SRRM2: variants seen among roughly 807,000 people sequenced by gnomAD.
SRRM2 encodes the protein serine/arginine repetitive matrix protein 2.
Under a neutral mutation model 213.8 loss-of-function variants are expected in SRRM2, and 30 were observed. The observed-to-expected ratio is 0.14, with a 90% confidence interval of 0.10 to 0.19. SRRM2 has a LOEUF of 0.19. Ranked by LOEUF, SRRM2 falls within the 10% of genes least tolerant of loss-of-function variation. The pLI is 1.00. For synonymous variants in SRRM2, 2,025 were observed against 1,377.7 expected (o/e 1.47, Z -10.40); for missense variants, 4,904 against 3,647.0 (o/e 1.34, Z -8.88).
Position 2,752,851 on chromosome 16 carries a change from G to A in SRRM2, c.-32+5G>A, listed in dbSNP as rs1328218921. ...GGCGGCGGGCGGAGGCGGCGGGTGA[G>A]AGGGTGAGGGAGCCAGCGAGCCGGG... On this transcript the variant is annotated splice_donor_5th_base_variant and intron_variant, in intron 1 of 14. Coordinates refer to ENST00000301740, the MANE Select transcript of SRRM2 (RefSeq NM_016333.4). 1.7e-5 allele frequency: 4 copies of A among 237,276 alleles called. No homozygotes were observed. The highest frequency in any genetic ancestry group is 7.1e-5 in the African/African-American group (3 of 42,060). The allele number at this position is 237,276 out of a possible 1,614,324, so 14.7% of individuals were successfully genotyped here.
intron 1 of SRRM2, among the ~76,000 whole-genome samples, chr16:2,755,387 A>T (rs1417032446): frequency 6.6e-6 from 1 of 152,110 alleles, no homozygotes; most frequent in Non-Finnish European, 1.5e-5. Flanking sequence ...ACATTAATGA[A>T]AGTGGGGTGT....
chr16:2,764,381 G>T lies in SRRM2; in HGVS notation c.3853G>T (p.Asp1285Tyr), dbSNP rs767615394. Residue 1285 changes from aspartate (D) to tyrosine (Y), a missense_variant, in exon 11 of 15, where the codon GAT (aspartate) becomes TAT (tyrosine). Transcript: ENST00000301740. ...EERPAVSLTL[D>Y]QSQSQASLEA... The stretch of plus-strand genomic sequence containing the variant: ...AAGGCCTGCTGTGTCTTTGACTCTT[G>T]ATCAGAGCCAGTCACAGGCTTCTTT... The T allele has an allele frequency of 2.2e-5, 35 of 1,614,046 alleles. No homozygotes were observed. Among genetic ancestry groups the T allele is most frequent in the Non-Finnish European group, 2.9e-5 (34 of 1,180,016 alleles).
Position 2,760,304 on chromosome 16 carries a change from T to C in SRRM2, c.837T>C (p.Ser279=), listed in dbSNP as rs113566023. ...CGTCCTCAATTAACTCCTGCAGGTC[T>C]CGAAGTGCTGCAGCTAAAACTCATA... is the stretch of plus-strand genomic sequence containing the variant. ...ASSSDTSRSR[S]RSAAAKTHTT... is the part of the protein sequence containing the mutation. The change falls in exon 10 of 15, where the codon TCT becomes TCC. Residue 279 remains serine (S), a synonymous_variant. Transcript: ENST00000301740. The C allele has an allele frequency of 6.2e-7, 1 of 1,612,956 alleles. No homozygotes were observed.
chr16:2,757,382 A>AG, intron 2 of SRRM2, 90 bp from the exon 3 acceptor site: 1 of 1,030,726 alleles, frequency 9.7e-7, no homozygotes, highest in Non-Finnish European at 1.5e-6. Context: ...ATGGAGAGGG[A>AG]GGGGCCCCTT....
Position 2,765,045 on chromosome 16 carries a change from A to G in SRRM2, c.4517A>G (p.Asn1506Ser). Residue 1506 changes from asparagine (N) to serine (S), a missense_variant, in exon 11 of 15, where the codon AAC becomes AGC. Asn to Ser is a conservative substitution (Grantham distance 46). Transcript: ENST00000301740. ...RSRSPSSPEL[N>S]NKCLTPQRER... ...CGTTCTCCATCATCCCCAGAGCTCA[A>G]CAACAAGTGTCTTACCCCCCAGAGA... 2.5e-6 allele frequency: 4 copies of G among 1,613,556 alleles called. No homozygotes were observed. Among genetic ancestry groups the G allele is most frequent in the African/African-American group, 1.3e-5 (1 of 75,008 alleles).
rs764194801 is a variant in SRRM2 at position 2,766,715 on chromosome 16, C to T, written c.6187C>T (p.Arg2063Trp). 55 of 1,614,096 alleles carry T rather than the reference C, an allele frequency of 3.4e-5. No individual in the cohort carries two copies. The highest frequency in any genetic ancestry group is 2.2e-4 in the East Asian group (10 of 44,902). Residue 2063 changes from arginine (R) to tryptophan (W), a missense_variant, in exon 11 of 15, where the codon CGG (arginine) becomes TGG (tryptophan). Coordinates refer to ENST00000301740, the MANE Select transcript of SRRM2 (RefSeq NM_016333.4). The surrounding 1 kb of genome is among the most constrained non-coding windows in gnomAD (Gnocchi z 7.0). ...RSRSRTPRTA[R>W]GKRSLTRSPP... is the part of the protein sequence containing the mutation. ...CAGATCCCGTACTCCACGAACAGCT[C>T]GGGGTAAACGGTCCTTAACAAGATC... is the stretch of plus-strand genomic sequence containing the variant.
Position 2,767,831 on chromosome 16 carries a change from C to T in SRRM2, c.7303C>T (p.Pro2435Ser), listed in dbSNP as rs772346517. The T allele has an allele frequency of 5.0e-6, 8 of 1,613,956 alleles. No individual in the cohort carries two copies. The highest frequency in any genetic ancestry group is 8.5e-7 in the Non-Finnish European group (1 of 1,180,004). Residue 2435 changes from proline to serine, a missense_variant, in exon 11 of 15, where the codon CCT becomes TCT. By Grantham distance (74) the Pro-to-Ser change is moderately conservative. Coordinates refer to ENST00000301740, the MANE Select transcript of SRRM2 (RefSeq NM_016333.4). ...CCCTTCCTCTAGAATGGGCCAGGCT[C>T]CTTCACAGTCTCTTCTCCCTCCAGC... ...PSPSSRMGQA[P>S]SQSLLPPAQD...
rs1200539381 is a variant in SRRM2, at chr16:2,765,909, C to G, written c.5381C>G (p.Ser1794Cys). ...CGACGTCGAGATAGGTCTGGATCTT[C>G]TCAGTCAACCTCTCGGCGAAGACAG... ...TTRRRDRSGS[S>C]QSTSRRRQRS... Residue 1794 changes from serine to cysteine, a missense_variant, in exon 11 of 15, where the codon TCT becomes TGT. Ser to Cys is a moderately radical substitution (Grantham distance 112, BLOSUM62 -1). Coordinates refer to ENST00000301740, the MANE Select transcript of SRRM2 (RefSeq NM_016333.4). The G allele has an allele frequency of 6.2e-7, 1 of 1,614,070 alleles. No individual in the cohort carries two copies. Among genetic ancestry groups the G allele is most frequent in the Non-Finnish European group, 8.5e-7 (1 of 1,180,038 alleles).
In SRRM2 at chr16:2,764,266, A is replaced by G. The variant is rs1257924741; in HGVS notation, c.3738A>G (p.Glu1246=). The change falls in exon 11 of 15, where the codon GAA becomes GAG. Residue 1246 remains glutamate, a synonymous_variant. Coordinates refer to ENST00000301740, the MANE Select transcript of SRRM2 (RefSeq NM_016333.4). ...EELMEVVEKS[E]EPAGQILSHL... is the part of the protein sequence containing the mutation. Reference sequence around the variant, plus strand: ...TAATGGAGGTGGTAGAGAAGTCTGAAGAACCCGCAGGCCAAATCCTGTCTC... The same window carrying G: ...TAATGGAGGTGGTAGAGAAGTCTGAGGAACCCGCAGGCCAAATCCTGTCTC... The G allele has an allele frequency of 1.2e-6, 2 of 1,614,014 alleles. No homozygotes were observed. Among genetic ancestry groups the G allele is most frequent in the Admixed American group, 3.3e-5 (2 of 60,004 alleles).
chr16:2,758,451 GCTT>G lies in SRRM2; in HGVS notation c.516-18_516-16del. 6.2e-7 allele frequency: 1 copy of G among 1,605,486 alleles called. No individual in the cohort carries two copies. The highest frequency in any genetic ancestry group is 8.5e-7 in the Non-Finnish European group (1 of 1,172,100). ...GTTTGTTCTACCACCCATCTCTGCT[GCTT>G]TTCATTTTTCCCTAGCCTTGTTCGG... On this transcript the variant is annotated splice_polypyrimidine_tract_variant and intron_variant, in intron 4 of 14. Transcript: ENST00000301740.
Position 2,764,437 on chromosome 16 carries a change from A to T in SRRM2, c.3909A>T (p.Ser1303=). ...CAGTAGAAGTCCCTTCAATGGCCTC[A>T]TCTTGGGGTGGGCCACATTTTTCTC... ...LEAVEVPSMA[S]SWGGPHFSPE... The change falls in exon 11 of 15, where the codon TCA becomes TCT. Residue 1303 remains serine (S), a synonymous_variant. Coordinates refer to ENST00000301740, the MANE Select transcript of SRRM2 (RefSeq NM_016333.4). 1 of 1,612,970 alleles carries T rather than the reference A, an allele frequency of 6.2e-7. No homozygotes were observed. Among genetic ancestry groups the T allele is most frequent in the East Asian group, 2.2e-5 (1 of 44,890 alleles).
intron 9 of SRRM2, 103 bp from the exon 10 acceptor site, chr16:2,760,198 G>A: frequency 4.3e-6 from 5 of 1,155,540 alleles, no homozygotes; most frequent in Non-Finnish European, 6.2e-6. Context: ...TTGGAAGAGG[G>A]TTGTCCAGTT....
intron 2 of SRRM2, 63 bp downstream of exon 2, chr16:2,756,669 G>A (rs1194864203): frequency 1.1e-5 from 17 of 1,543,458 alleles, no homozygotes; most frequent in East Asian, 4.5e-5. Flanking sequence ...TGTTAGGTGG[G>A]ATGTATAGGG....
In SRRM2 at chr16:2,762,216, A is replaced by T; in HGVS notation, c.1688A>T (p.His563Leu). 6.2e-7 allele frequency: 1 copy of T among 1,613,908 alleles called. No homozygotes were observed. The highest frequency in any genetic ancestry group is 1.6e-4 in the Middle Eastern group (1 of 6,062). The change falls in exon 11 of 15, where the codon CAC (histidine) becomes CTC (leucine). Residue 563 changes from histidine to leucine, a missense_variant. Coordinates refer to ENST00000301740, the MANE Select transcript of SRRM2 (RefSeq NM_016333.4). Reference protein sequence around the residue: ...RSRSARRGRSHSRSPATRGRS... With the variant: ...RSRSARRGRSLSRSPATRGRS... ...AGGTCAGCAAGGCGAGGGAGGTCCC[A>T]CTCTAGATCCCCAGCCACTAGGGGT...
intron 5 of SRRM2, 131 bp from the exon 6 acceptor site, chr16:2,758,854 G>C: frequency 1.1e-6 from 1 of 938,780 alleles, no homozygotes; most frequent in Non-Finnish European, 1.6e-6. Context: ...TAAGTCCTGG[G>C]CTTAGGTCTG....
In SRRM2 at chr16:2,757,505, G is replaced by C. The variant is rs778380572; in HGVS notation, c.276G>C (p.Ala92=). 6.2e-7 allele frequency: 1 copy of C among 1,614,032 alleles called. No individual in the cohort carries two copies. The highest frequency in any genetic ancestry group is 8.5e-7 in the Non-Finnish European group (1 of 1,179,980). ...AACAGCAAATTCAGGAAAAAGTGGC[G>C]ACCTTTCGACTCATGTTGCTGGAGA... ...YEEQQIQEKV[A]TFRLMLLEKD... Residue 92 remains alanine (A), a synonymous_variant, in exon 3 of 15, where the codon GCG becomes GCC. Coordinates refer to ENST00000301740, the MANE Select transcript of SRRM2 (RefSeq NM_016333.4).
chr16:2,762,197 G>T lies in SRRM2; in HGVS notation c.1669G>T (p.Ala557Ser). 1.2e-6 allele frequency: 2 copies of T among 1,614,068 alleles called. No individual in the cohort carries two copies. Among genetic ancestry groups the T allele is most frequent in the African/African-American group, 2.7e-5 (2 of 75,010 alleles). ...NTQRRGRSRSARRGRSHSRSP... is the reference protein window; with the variant it reads ...NTQRRGRSRSSRRGRSHSRSP... Reference sequence around the variant, plus strand: ...CCAGAGAAGAGGCAGGTCTAGGTCAGCAAGGCGAGGGAGGTCCCACTCTAG... The same window carrying T: ...CCAGAGAAGAGGCAGGTCTAGGTCATCAAGGCGAGGGAGGTCCCACTCTAG... The change falls in exon 11 of 15, where the codon GCA (alanine) becomes TCA (serine). Residue 557 changes from alanine to serine, a missense_variant. Coordinates refer to ENST00000301740, the MANE Select transcript of SRRM2 (RefSeq NM_016333.4).
chr16:2,761,016 C>G (rs1013912621), intron 10 of SRRM2, among the ~76,000 whole-genome samples: 13 of 152,226 alleles, frequency 8.5e-5, no homozygotes, highest in African/African-American at 3.1e-4. Context: ...GGTTACCTTT[C>G]CAAATTACAA....
Position 2,770,257 on chromosome 16 carries a change from G to A in SRRM2, c.8022-95G>A, listed in dbSNP as rs1055493292. On this transcript the variant is annotated intron_variant, in intron 12 of 14. Transcript: ENST00000301740. ...GTCTGAGGCTGGCCCTGTGTGGTGT[G>A]AGGTTTGGTGGTCAGGACCTGGGCG... 40 of 1,472,278 alleles carry A rather than the reference G, an allele frequency of 2.7e-5. No individual in the cohort carries two copies. The Admixed American group carries it at 9.5e-4, about 35-fold the overall frequency. The allele number at this position is 1,472,278 out of a possible 1,614,324, so 91.2% of individuals were successfully genotyped here.
Sources: allele counts gnomAD v4.1 joint callset (sites outside exome capture counted in the v4.1 genomes callset), GRCh38; gene constraint gnomAD v4.1.1; non-coding constraint Gnocchi (gnomAD v3.1); transcripts MANE v1.5; gene names NCBI Gene and HGNC (gene_info 2026-07-23, HGNC 2026-07-21).